Variants in ENPP6 observed in about 807,000 individuals in gnomAD.
ENPP6 encodes the protein ectonucleotide pyrophosphatase/phosphodiesterase 6.
In ENPP6, 32 loss-of-function variants were observed where a neutral mutation model predicts 42.0. The observed-to-expected ratio is 0.76, with a 90% confidence interval of 0.58 to 1.02. The LOEUF (loss-of-function observed/expected upper bound fraction) is 1.02, where lower values mean the gene tolerates loss of function less well. Ranked by LOEUF, ENPP6 falls within the 50% of genes least tolerant of loss-of-function variation. The pLI is 0.00. For missense variants in ENPP6, 552 were observed against 566.8 expected (o/e 0.97, Z 0.27); for synonymous variants, 213 against 216.0 (o/e 0.99, Z 0.12).
At chr4:184,177,560 G>A (rs1490948347) in intron 1 of ENPP6, among the ~76,000 whole-genome samples, 7 of 152,152 alleles carry the variant, frequency 4.6e-5, no homozygotes, top group African/African-American at 1.2e-4. Flanking sequence ...ACTCCTGAGC[G>A]GTTGAGACCT....
At chr4:184,132,078 C>T (rs60594953) in intron 2 of ENPP6, among the ~76,000 whole-genome samples, 2,226 of 152,252 alleles carry the variant, frequency 0.015, 55 homozygotes, top group African/African-American at 0.05. Context: ...TTGTTCTATT[C>T]AGGCCCTCAA....
At chr4:184,195,454 A>G (rs1561007804) in intron 1 of ENPP6, among the ~76,000 whole-genome samples, 1 of 152,248 alleles carries the variant, frequency 6.6e-6, no homozygotes. Context: ...TGCAAAGGAC[A>G]TGATTAACCA....
chr4:184,192,619 C>T (rs926124420), intron 1 of ENPP6, among the ~76,000 whole-genome samples: 1 of 152,098 alleles, frequency 6.6e-6, no homozygotes, highest in African/African-American at 2.4e-5. Context: ...ACAATAAATG[C>T]TTTTGTACAG....
rs577780501 is a variant in ENPP6, at chr4:184,139,356, T to A, written c.421+14198A>T. ...AATTTTTTTTTTTTAGTTTTTTTTT[T>A]AAATTTATTATTATTATACTTTAAG... On this transcript the variant is annotated intron_variant, in intron 2 of 7. Coordinates refer to ENST00000296741, the MANE Select transcript of ENPP6 (RefSeq NM_153343.4). Among the ~76,000 whole-genome samples the A allele has an allele frequency of 6.9e-3, 1,049 of 151,716 alleles. 6 individuals are homozygous for A. Among genetic ancestry groups the A allele is most frequent in the African/African-American group, 0.019 (764 of 41,094 alleles).
intron 1 of ENPP6, among the ~76,000 whole-genome samples, chr4:184,180,741 C>G (rs2111100112): frequency 6.6e-6 from 1 of 152,276 alleles, no homozygotes; most frequent in Non-Finnish European, 1.5e-5. Flanking sequence ...ATCACATAAA[C>G]AGAACTAATG....
intron 7 of ENPP6, among the ~76,000 whole-genome samples, chr4:184,092,901 C>A (rs896587686): frequency 1.3e-5 from 2 of 152,216 alleles, no homozygotes; most frequent in Admixed American, 6.5e-5. Flanking sequence ...CAAACAACAA[C>A]ACACAGCAAT....
intron 2 of ENPP6, among the ~76,000 whole-genome samples, chr4:184,147,007 C>T (rs139164568): frequency 7.9e-4 from 120 of 152,310 alleles, no homozygotes; most frequent in African/African-American, 2.5e-3. Flanking sequence ...CATTGAGTCA[C>T]GTCTTTGTAT....
chr4:184,199,321 C>G (rs1732855309), intron 1 of ENPP6, among the ~76,000 whole-genome samples: 1 of 152,104 alleles, frequency 6.6e-6, no homozygotes, highest in Non-Finnish European at 1.5e-5. Context: ...GGCTGCCAGG[C>G]AGGGGTTGAA....
chr4:184,108,382 A>AT (rs1379010892), intron 6 of ENPP6, among the ~76,000 whole-genome samples: 1 of 152,220 alleles, frequency 6.6e-6, no homozygotes, highest in East Asian at 1.9e-4. Flanking sequence ...AAAACTTAAC[A>AT]TTCTTTTACC....
intron 1 of ENPP6, among the ~76,000 whole-genome samples, chr4:184,196,986 T>C (rs571930290): frequency 2.3e-4 from 35 of 152,296 alleles, no homozygotes; most frequent in Non-Finnish European, 4.9e-4. Context: ...TGGTTGGGGA[T>C]TGGGTAAAGT....
chr4:184,104,097 G>T (rs1736049789), intron 6 of ENPP6, among the ~76,000 whole-genome samples: 1 of 151,830 alleles, frequency 6.6e-6, no homozygotes, highest in South Asian at 2.1e-4. Context: ...AGCTCCCACA[G>T]ATGGCCCTGG....
intron 1 of ENPP6, among the ~76,000 whole-genome samples, chr4:184,172,950 G>C (rs1487762073): frequency 6.6e-6 from 1 of 152,148 alleles, no homozygotes; most frequent in Non-Finnish European, 1.5e-5. Context: ...GTCTCTCTCT[G>C]TCTCCCAGGC....
intron 1 of ENPP6, among the ~76,000 whole-genome samples, chr4:184,189,806 T>C (rs1017029883): frequency 6.6e-6 from 1 of 152,120 alleles, no homozygotes; most frequent in African/African-American, 2.4e-5. Flanking sequence ...CCACTTCTGG[T>C]CCATCCTGAC....
At chr4:184,107,355 A>G (rs906547334) in intron 6 of ENPP6, among the ~76,000 whole-genome samples, 12 of 152,322 alleles carry the variant, frequency 7.9e-5, no homozygotes, top group Non-Finnish European at 1.6e-4. Context: ...ATCCTATGGG[A>G]ATAAGAACAC....
chr4:184,145,363 A>AT (rs1736900561), intron 2 of ENPP6, among the ~76,000 whole-genome samples: 1 of 139,856 alleles, frequency 7.2e-6, no homozygotes, highest in Admixed American at 7.1e-5. Context: ...TTTCTTCTTT[A>AT]TTTTTTCCTT....
chr4:184,139,628 C>T lies in ENPP6; in HGVS notation c.421+13926G>A, dbSNP rs188656166. 4.7e-3 allele frequency among the ~76,000 whole-genome samples: 551 copies of T among 117,034 alleles called. 7 individuals are homozygous for T. Among genetic ancestry groups the T allele is most frequent in the East Asian group, 0.037 (144 of 3,926 alleles). The allele number at this position is 117,034 out of a possible 152,430, so 76.8% of individuals were successfully genotyped here. A position where few individuals can be genotyped will look rare whatever the true frequency, so the allele number is the denominator to read the frequency against. ...TGCGGTGTTTGGTTTTTTGTTCTTGCGATAGTTTACTGAGAATGATGATTT... is the reference window on the plus strand; with the variant it reads ...TGCGGTGTTTGGTTTTTTGTTCTTGTGATAGTTTACTGAGAATGATGATTT... On this transcript the variant is annotated intron_variant, in intron 2 of 7. Transcript: ENST00000296741.
chr4:184,113,928 T>TTTCTTTCTTTCTTTCC (rs1560981911), intron 5 of ENPP6, among the ~76,000 whole-genome samples: 75 of 141,876 alleles, frequency 5.3e-4, no homozygotes, highest in Non-Finnish European at 9.0e-4. Context: ...TCTTTCTTTC[T>TTTCTTTCTTTCTTTCC]TTCTTTCTTT....
At chr4:184,148,282 T>C (rs1054336677) in intron 2 of ENPP6, among the ~76,000 whole-genome samples, 3 of 152,184 alleles carry the variant, frequency 2.0e-5, no homozygotes, top group African/African-American at 7.2e-5. Flanking sequence ...GAAGTGGATT[T>C]GCCATGATTT....
At chr4:184,169,052 T>C (rs1457658757) in intron 1 of ENPP6, among the ~76,000 whole-genome samples, 1 of 152,236 alleles carries the variant, frequency 6.6e-6, no homozygotes, top group Non-Finnish European at 1.5e-5. Context: ...TGGTTGAGTT[T>C]ATGATTTTTT....
Sources: allele counts gnomAD v4.1 joint callset (sites outside exome capture counted in the v4.1 genomes callset), GRCh38; gene constraint gnomAD v4.1.1; transcripts MANE v1.5; gene names NCBI Gene and HGNC (gene_info 2026-07-23, HGNC 2026-07-21).